ASXL1: variants seen among roughly 807,000 people sequenced by gnomAD.
The protein encoded by ASXL1 is polycomb group protein ASXL1.
Under a neutral mutation model 89.1 loss-of-function variants are expected in ASXL1, and 65 were observed. That is an observed-to-expected ratio of 0.73 (90% CI 0.60 to 0.90). The LOEUF is 0.90. Ranked by LOEUF, ASXL1 falls within the 40% of genes least tolerant of loss-of-function variation. ASXL1 has a pLI of 0.00. For synonymous variants in ASXL1, 739 were observed against 746.9 expected (o/e 0.99, Z 0.17); for missense variants, 1,786 against 1,942.9 (o/e 0.92, Z 1.52).
intron 4 of ASXL1, chr20:32,371,968 A>T: frequency 2.3e-6 from 1 of 442,628 alleles, no homozygotes; most frequent in Non-Finnish European, 4.0e-6. Context: ...TTTAATACAT[A>T]TATGTTTATT....
chr20:32,380,361 A>G (rs2048466458), intron 4 of ASXL1, among the ~76,000 whole-genome samples: 1 of 152,214 alleles, frequency 6.6e-6, no homozygotes, highest in Non-Finnish European at 1.5e-5. Flanking sequence ...AGGAAAAAGC[A>G]GTGGAGGAAG....
Position 32,434,684 on chromosome 20 carries a change from G to A in ASXL1, c.1972G>A (p.Gly658Arg), listed in dbSNP as rs2145359896. 6.2e-7 allele frequency: 1 copy of A among 1,605,066 alleles called. No individual in the cohort carries two copies. Residue 658 changes from glycine to arginine, a missense_variant, in exon 13 of 13, where the codon GGA becomes AGA. Physicochemically the swap from Gly to Arg is moderately radical, Grantham distance 125 (BLOSUM62 -2). Transcript: ENST00000375687. ...GGGGGGATDE[G>R]GGRGSSSGDG... ...AGGTGGCGGCGGGGCCACCGATGAG[G>A]GAGGTGGCAGAGGCAGCAGCAGTGG...
Position 32,429,916 on chromosome 20 carries a change from A to C in ASXL1, c.581A>C (p.His194Pro), listed in dbSNP as rs771351026. The C allele has an allele frequency of 2.2e-5, 35 of 1,608,050 alleles. No homozygotes were observed. The highest frequency in any genetic ancestry group is 2.8e-5 in the Non-Finnish European group (33 of 1,179,492). ...VESASGFSGC[H>P]ADGESGSPSS... is the part of the protein sequence containing the mutation. ...GTGCCTTCAGGGTTCTCGGGCTGCC[A>C]CGCCGATGGCGAGAGCGGCAGCCCG... Residue 194 changes from histidine to proline, a missense_variant, in exon 8 of 13, where the codon CAC (histidine) becomes CCC (proline). Transcript: ENST00000375687. The surrounding 1 kb of genome is among the most constrained non-coding windows in gnomAD (Gnocchi z 4.9).
At chr20:32,406,367 T>G (rs1271158314) in intron 4 of ASXL1, among the ~76,000 whole-genome samples, 1 of 151,006 alleles carries the variant, frequency 6.6e-6, no homozygotes, top group Non-Finnish European at 1.5e-5. Flanking sequence ...GGGCAACATG[T>G]CAAAACCCCA....
At chr20:32,407,872 T>C (rs1257698636) in intron 4 of ASXL1, among the ~76,000 whole-genome samples, 1 of 152,234 alleles carries the variant, frequency 6.6e-6, no homozygotes, top group East Asian at 1.9e-4. Flanking sequence ...TTTGCCTATC[T>C]ATTAATAGTG....
At position 32,433,584 on chromosome 20, in the gene ASXL1, C is replaced by A. The variant is rs2123261149; in HGVS notation, c.1386C>A (p.Ser462Arg). ...GEAKTDPAGL[S>R]SPHLPGTSSA... is the part of the protein sequence containing the mutation. ...CTAAGACTGACCCAGCAGGGCTGAGCAGTCCCCATCTGCCAGGCACATCCT... is the reference window on the plus strand; with the variant it reads ...CTAAGACTGACCCAGCAGGGCTGAGAAGTCCCCATCTGCCAGGCACATCCT... Residue 462 changes from serine to arginine, a missense_variant, in exon 12 of 13, where the codon AGC becomes AGA. Coordinates refer to ENST00000375687, the MANE Select transcript of ASXL1 (RefSeq NM_015338.6). The A allele has an allele frequency of 1.9e-6, 3 of 1,614,156 alleles. No individual in the cohort carries two copies. Among genetic ancestry groups the A allele is most frequent in the Non-Finnish European group, 2.5e-6 (3 of 1,180,030 alleles).
At chr20:32,392,089 G>A (rs2048682360) in intron 4 of ASXL1, among the ~76,000 whole-genome samples, 1 of 151,624 alleles carries the variant, frequency 6.6e-6, no homozygotes, top group African/African-American at 2.4e-5. Context: ...GATATGGTTG[G>A]GTTAAGTCCA....
chr20:32,431,178 T>C lies in ASXL1; in HGVS notation c.719-143T>C, dbSNP rs752226952. On this transcript the variant is annotated intron_variant, in intron 8 of 12. Transcript: ENST00000375687. ...CAGTAACCTGGAAAGAATATACAGG[T>C]TAGGATGGACTGGACAATTGAGCAG... 1.8e-5 allele frequency: 18 copies of C among 997,264 alleles called. 1 individual carries two copies. In the African/African-American group the frequency reaches 2.9e-4, roughly 16 times the overall value. 61.8% of individuals were successfully genotyped at this position (997,264 alleles called of 1,614,324 possible). A position where few individuals can be genotyped will look rare whatever the true frequency, so the allele number is the denominator to read the frequency against.
chr20:32,394,294 G>A (rs1364539903), intron 4 of ASXL1, among the ~76,000 whole-genome samples: 1 of 152,010 alleles, frequency 6.6e-6, no homozygotes, highest in Non-Finnish European at 1.5e-5. Flanking sequence ...GAGCCACCGT[G>A]CCTGGCCTAA....
chr20:32,409,381 T>A (rs1019488113), intron 4 of ASXL1, among the ~76,000 whole-genome samples: 6 of 152,350 alleles, frequency 3.9e-5, no homozygotes, highest in Non-Finnish European at 8.8e-5. Context: ...TAACTTGTAA[T>A]TTTGACATAA....
Position 32,433,755 on chromosome 20 carries a change from C to T in ASXL1, c.1557C>T (p.Pro519=), listed in dbSNP as rs142869492. ...CTCAGGAAACTGTGGATCAGGAACCCAAGGATCAGAAGAGGAAATCCTTTG... is the reference window on the plus strand; with the variant it reads ...CTCAGGAAACTGTGGATCAGGAACCTAAGGATCAGAAGAGGAAATCCTTTG... ...SLPQETVDQE[P]KDQKRKSFEQ... The change falls in exon 12 of 13, where the codon CCC becomes CCT. Residue 519 remains proline (P), a synonymous_variant. Transcript: ENST00000375687. 6.0e-5 allele frequency: 97 copies of T among 1,614,036 alleles called. No homozygotes were observed. The highest frequency in any genetic ancestry group is 1.4e-5 in the Non-Finnish European group (16 of 1,180,028).
rs747574983 is a variant in ASXL1, at chr20:32,437,167, T to C, written c.4455T>C (p.Ser1485=). The change falls in exon 13 of 13, where the codon AGT becomes AGC. Residue 1485 remains serine, a synonymous_variant. Coordinates refer to ENST00000375687, the MANE Select transcript of ASXL1 (RefSeq NM_015338.6). The part of the protein sequence containing the change: ...SHKANFGASH[S]ASLSLQMFTD... ...AAGCAAACTTTGGTGCGAGCCACAG[T>C]GCATCACTTTCCTTGCAAATGTTCA... The C allele has an allele frequency of 6.2e-7, 1 of 1,613,966 alleles. No individual in the cohort carries two copies. The highest frequency in any genetic ancestry group is 1.1e-5 in the South Asian group (1 of 91,086).
intron 4 of ASXL1, chr20:32,372,457 G>A: frequency 2.9e-6 from 3 of 1,023,246 alleles, no homozygotes; most frequent in Non-Finnish European, 3.6e-6. Flanking sequence ...CCTCTAGTTA[G>A]ACTGTAAACT....
At chr20:32,414,314 T>C (rs1372203892) in intron 4 of ASXL1, among the ~76,000 whole-genome samples, 1 of 152,010 alleles carries the variant, frequency 6.6e-6, no homozygotes, top group Non-Finnish European at 1.5e-5. Flanking sequence ...TTTTTCTTTT[T>C]TTTTTTTAAT....
intron 4 of ASXL1, among the ~76,000 whole-genome samples, chr20:32,372,767 G>A (rs2048319716): frequency 6.6e-6 from 1 of 151,342 alleles, no homozygotes; most frequent in Non-Finnish European, 1.5e-5. Context: ...GCCAATTTTT[G>A]TATTTTTAGT....
At chr20:32,377,788 G>A (rs560057961) in intron 4 of ASXL1, among the ~76,000 whole-genome samples, 3 of 151,874 alleles carry the variant, frequency 2.0e-5, no homozygotes, top group South Asian at 4.2e-4. Context: ...GCGTAGCTGG[G>A]ATTACAGACA....
At chr20:32,362,502 G>GATGGT (rs1470098810) in intron 1 of ASXL1, among the ~76,000 whole-genome samples, 92 of 152,320 alleles carry the variant, frequency 6.0e-4, no homozygotes, top group African/African-American at 2.1e-3. Context: ...CAGGCGTGGT[G>GATGGT]GCGAGTGCCT....
At chr20:32,423,841 A>C (rs2011203381) in intron 4 of ASXL1, among the ~76,000 whole-genome samples, 1 of 152,178 alleles carries the variant, frequency 6.6e-6, no homozygotes, top group Non-Finnish European at 1.5e-5. Flanking sequence ...GAGCCACTGC[A>C]CCTGGCCAAG....
chr20:32,420,831 C>A (rs964357209), intron 4 of ASXL1, among the ~76,000 whole-genome samples: 1 of 151,934 alleles, frequency 6.6e-6, no homozygotes, highest in Admixed American at 6.6e-5. Context: ...TGAACAGATA[C>A]TTAAAGAGGA....
Sources: allele counts gnomAD v4.1 joint callset (sites outside exome capture counted in the v4.1 genomes callset), GRCh38; gene constraint gnomAD v4.1.1; non-coding constraint Gnocchi (gnomAD v3.1); transcripts MANE v1.5; gene names NCBI Gene and HGNC (gene_info 2026-07-23, HGNC 2026-07-21).